Variants in SLC36A4 observed in about 807,000 individuals in gnomAD.
SLC36A4 encodes the protein neutral amino acid uniporter 4.
Under a neutral mutation model 50.5 loss-of-function variants are expected in SLC36A4, and 49 were observed. The observed-to-expected ratio is 0.97, with a 90% CI of 0.77 to 1.23. SLC36A4 has a LOEUF of 1.23. Ranked by LOEUF, SLC36A4 falls within the 50% of genes most tolerant of loss-of-function variation. The pLI, the probability that SLC36A4 is intolerant of heterozygous loss-of-function variation, is 0.00. For synonymous variants in SLC36A4, 207 were observed against 206.5 expected (o/e 1.00, Z -0.02); for missense variants, 611 against 608.4 (o/e 1.00, Z -0.05).
chr11:93,164,141 G>C (rs1860756549), intron 8 of SLC36A4, among the ~76,000 whole-genome samples: 1 of 151,920 alleles, frequency 6.6e-6, no homozygotes, highest in East Asian at 1.9e-4. Context: ...TTGATACTGG[G>C]GTATCACTAC....
At chr11:93,164,001 G>A (rs1860751284) in intron 8 of SLC36A4, among the ~76,000 whole-genome samples, 2 of 151,932 alleles carry the variant, frequency 1.3e-5, no homozygotes, top group South Asian at 4.1e-4. Context: ...AGATGCTTTA[G>A]CCTCATCTTG....
chr11:93,146,932 T>C lies in SLC36A4; in HGVS notation c.*1605A>G, dbSNP rs1483126963. The C allele has an allele frequency of 6.6e-6, 1 of 152,092 alleles. No homozygotes were observed. The highest frequency in any genetic ancestry group is 1.5e-5 in the Non-Finnish European group (1 of 67,990). 9.4% of individuals were successfully genotyped at this position (152,092 alleles called of 1,614,324 possible). On this transcript the variant is annotated 3_prime_UTR_variant, in exon 11 of 11. Coordinates refer to ENST00000326402, the MANE Select transcript of SLC36A4 (RefSeq NM_152313.4). ...ATTTAGAAGGGAGTTTATGGATTTT[T>C]TCTAAGCATGAATCCCTTTATGTTA... is the stretch of plus-strand genomic sequence containing the variant.
At chr11:93,151,834 T>C (rs1448468710) in intron 10 of SLC36A4, among the ~76,000 whole-genome samples, 1 of 152,002 alleles carries the variant, frequency 6.6e-6, no homozygotes, top group African/African-American at 2.4e-5. Context: ...CTGGTCTCAG[T>C]GTTTATTATA....
intron 1 of SLC36A4, among the ~76,000 whole-genome samples, chr11:93,188,345 A>C (rs1370645016): frequency 1.3e-5 from 2 of 152,200 alleles, no homozygotes; most frequent in Non-Finnish European, 2.9e-5. Context: ...ATGCCTTAAG[A>C]TACTGGAAGA....
In SLC36A4 at chr11:93,168,010, T is replaced by C. The variant is rs570054127; in HGVS notation, c.702A>G (p.Val234=). The change falls in exon 7 of 11, where the codon GTA becomes GTG. Residue 234 remains valine, a synonymous_variant. Transcript: ENST00000326402. Reference sequence around the variant, plus strand: ...TGGAAACGTTGGCAAGGAATGAAAGTACAAATAGATTCTTTAGTTCACGAA... The same window carrying C: ...TGGAAACGTTGGCAAGGAATGAAAGCACAAATAGATTCTTTAGTTCACGAA... ...VFIRELKNLF[V]LSFLANVSMA... 3.1e-6 allele frequency: 5 copies of C among 1,612,700 alleles called. No individual in the cohort carries two copies. In the South Asian group the frequency reaches 3.3e-5, roughly 11 times the overall value.
intron 6 of SLC36A4, among the ~76,000 whole-genome samples, chr11:93,175,554 G>T (rs1408038815): frequency 2.2e-5 from 3 of 136,694 alleles, no homozygotes; most frequent in African/African-American, 7.6e-5. Context: ...TGTCAATTTT[G>T]GATCTTTCCT....
In SLC36A4 at chr11:93,145,156, T is replaced by TA. The variant is rs1328043900; in HGVS notation, c.*3380dup. 1 of 152,054 alleles carries TA rather than the reference T, an allele frequency of 6.6e-6. No homozygotes were observed. The highest frequency in any genetic ancestry group is 2.4e-5 in the African/African-American group (1 of 41,442). The allele number at this position is 152,054 out of a possible 1,614,324, so 9.4% of individuals were successfully genotyped here. On this transcript the variant is annotated 3_prime_UTR_variant, in exon 11 of 11. Transcript: ENST00000326402. ...GCTAGAAATGGCACTAATACTTTAATATTTCAAGTAATATTTTATAGTATT... is the reference window on the plus strand; with the variant it reads ...GCTAGAAATGGCACTAATACTTTAATAATTTCAAGTAATATTTTATAGTATT...
intron 4 of SLC36A4, chr11:93,182,129 C>G (rs989103535): frequency 1.2e-5 from 2 of 170,772 alleles, no homozygotes; most frequent in African/African-American, 4.8e-5. Context: ...TTATTCCATT[C>G]TTAGAACAGC....
intron 9 of SLC36A4, chr11:93,159,737 A>G: frequency 1.2e-6 from 1 of 829,780 alleles, no homozygotes; most frequent in Non-Finnish European, 1.5e-6. Context: ...ACTCATAACT[A>G]ATTTTCAAAG....
Position 93,168,103 on chromosome 11 carries a change from C to G in SLC36A4, c.609G>C (p.Glu203Asp). ...ATATCCTTAGGTCAACACTTCTTCT[C>G]TCACAAGGGTTTGATGAATTGGTAC... ...SNSTNSSNPC[E>D]RRSVDLRIYM... The change falls in exon 7 of 11, where the codon GAG becomes GAC. Residue 203 changes from glutamate to aspartate, a missense_variant. Coordinates refer to ENST00000326402, the MANE Select transcript of SLC36A4 (RefSeq NM_152313.4). 1 of 1,612,602 alleles carries G rather than the reference C, an allele frequency of 6.2e-7. No homozygotes were observed. The highest frequency in any genetic ancestry group is 8.5e-7 in the Non-Finnish European group (1 of 1,179,096).
chr11:93,185,527 T>C (rs760558196), intron 2 of SLC36A4, 164 bp downstream of exon 2: 50 of 568,096 alleles, frequency 8.8e-5, no homozygotes, highest in Non-Finnish European at 1.4e-4. Flanking sequence ...TGCTCTGTGA[T>C]TTAAACGCAT....
chr11:93,177,057 G>T (rs1191190326), intron 6 of SLC36A4, among the ~76,000 whole-genome samples: 3 of 152,174 alleles, frequency 2.0e-5, no homozygotes, highest in African/African-American at 7.2e-5. Flanking sequence ...TTTCCAAGTT[G>T]TCTCCATTCT....
chr11:93,147,676 C>T lies in SLC36A4; in HGVS notation c.*861G>A, dbSNP rs764609160. ...TTAAAATATAATCAAATAGATTCAA[C>T]ACTAAAATTAAGCTGAACATAATTT... On this transcript the variant is annotated 3_prime_UTR_variant, in exon 11 of 11. Transcript: ENST00000326402. 1.5e-4 allele frequency: 23 copies of T among 152,040 alleles called. No homozygotes were observed. Among genetic ancestry groups the T allele is most frequent in the Non-Finnish European group, 3.1e-4 (21 of 67,984 alleles). The allele number at this position is 152,040 out of a possible 1,614,324, so 9.4% of individuals were successfully genotyped here.
Position 93,197,920 on chromosome 11 carries a change from G to T in SLC36A4, c.-88C>A. On this transcript the variant is annotated 5_prime_UTR_variant, in exon 1 of 11. Coordinates refer to ENST00000326402, the MANE Select transcript of SLC36A4 (RefSeq NM_152313.4). ...CGTCAGGCCCAGGCCTACCTCCCCT[G>T]CCCGGAGGGACCCGCGCCTGGTGCC... 2.3e-6 allele frequency: 3 copies of T among 1,312,168 alleles called. No individual in the cohort carries two copies. The highest frequency in any genetic ancestry group is 3.0e-6 in the Non-Finnish European group (3 of 1,005,482). The allele number at this position is 1,312,168 out of a possible 1,614,324, so 81.3% of individuals were successfully genotyped here.
chr11:93,197,551 AACAC>A (rs906308401), intron 1 of SLC36A4: 3 of 545,956 alleles, frequency 5.5e-6, no homozygotes, highest in African/African-American at 4.1e-5. Context: ...CGCGCGCGCA[AACAC>A]ACACACACAT....
chr11:93,178,970 T>G (rs1035166492), intron 6 of SLC36A4, among the ~76,000 whole-genome samples: 1 of 152,052 alleles, frequency 6.6e-6, no homozygotes, highest in African/African-American at 2.4e-5. Context: ...TTTATAGAGA[T>G]AGGAAAACAG....
chr11:93,167,621 T>C, intron 7 of SLC36A4: 1 of 216,990 alleles, frequency 4.6e-6, no homozygotes, highest in East Asian at 1.1e-4. Flanking sequence ...GGTTTCATGT[T>C]TGGCACTGTA....
rs1249480424 is a variant in SLC36A4 at position 93,162,844 on chromosome 11, G to T, written c.899C>A (p.Ser300Ter). The change falls in exon 9 of 11, where the codon TCA becomes TAA. Residue 300 changes from serine to a stop codon, truncating the protein, a stop_gained. Transcript: ENST00000326402. LOFTEE classifies it high-confidence loss of function. ...VLPLENQMKE[S>*]KRFPQALNIG... ...ATTCAACGCTTGAGGGAAACGCTTT[G>T]ATTCTTTCATTTGGTTTTCCAGTGG... 1.9e-6 allele frequency: 3 copies of T among 1,612,812 alleles called. No homozygotes were observed. Among genetic ancestry groups the T allele is most frequent in the Non-Finnish European group, 2.5e-6 (3 of 1,179,670 alleles).
chr11:93,195,980 T>C (rs1862403285), intron 1 of SLC36A4, among the ~76,000 whole-genome samples: 1 of 152,214 alleles, frequency 6.6e-6, no homozygotes. Context: ...TTATTGTCTT[T>C]ACTGCTTACT....
Sources: gnomAD v4.1 joint callset for allele counts (sites outside exome capture counted in the v4.1 genomes callset) on GRCh38, gnomAD v4.1.1 for gene constraint, MANE v1.5 for transcripts, NCBI Gene and HGNC (gene_info 2026-07-23, HGNC 2026-07-21) for gene names.